Variants in MEX3C observed in about 807,000 individuals in gnomAD.
MEX3C encodes RNA-binding E3 ubiquitin-protein ligase MEX3C.
A neutral mutation model predicts 35.5 loss-of-function variants in MEX3C; 15 were observed. The ratio of observed to expected loss-of-function variants is 0.42; its 90% confidence interval spans 0.28 to 0.65. The LOEUF is 0.65. Ranked by LOEUF, MEX3C falls within the 30% of genes least tolerant of loss-of-function variation. The pLI is 0.20. For synonymous variants in MEX3C, 390 were observed against 352.8 expected, an observed-to-expected ratio of 1.11 and a Z score of -1.18; for missense variants, 711 against 842.8, an observed-to-expected ratio of 0.84 and a Z score of 1.94.
chr18:51,185,743 A>G (rs1431460730), intron 1 of MEX3C, among the ~76,000 whole-genome samples: 3 of 152,194 alleles, frequency 2.0e-5, no homozygotes, highest in East Asian at 3.9e-4. Flanking sequence ...CGGGCATTGG[A>G]ATAGGTGAAG....
At chr18:51,178,343 A>G (rs1035920795) in intron 1 of MEX3C, among the ~76,000 whole-genome samples, 1 of 151,966 alleles carries the variant, frequency 6.6e-6, no homozygotes, top group Non-Finnish European at 1.5e-5. Flanking sequence ...ACACATATGT[A>G]TAACTTTACG....
In MEX3C at chr18:51,177,908, T is replaced by C. The variant is rs1195636280; in HGVS notation, c.755-332A>G. On this transcript the variant is annotated intron_variant, in intron 1 of 1. Coordinates refer to ENST00000406189, the MANE Select transcript of MEX3C (RefSeq NM_016626.5). The surrounding 1 kb of genome is among the most constrained non-coding windows in gnomAD (Gnocchi z 4.2). ...ACAAAAACACCGTGCTCATGGCTAG[T>C]AGGTCATCTCACTTCTGCTCCCACC... 6.6e-6 allele frequency among the ~76,000 whole-genome samples: 1 copy of C among 152,228 alleles called. No individual in the cohort carries two copies. Among genetic ancestry groups the C allele is most frequent in the Non-Finnish European group, 1.5e-5 (1 of 68,040 alleles).
chr18:51,197,630 A>T lies in MEX3C; in HGVS notation c.-310T>A, dbSNP rs1215510800. On this transcript the variant is annotated 5_prime_UTR_variant, in exon 1 of 2. Coordinates refer to ENST00000406189, the MANE Select transcript of MEX3C (RefSeq NM_016626.5). ...TTTCTTTTGTTTCATGGCCTTAACC[A>T]GCCCCCGGCGCGCGCGGCGGCGGCG... Among the ~76,000 whole-genome samples, 3 of 150,580 alleles carry T rather than the reference A, an allele frequency of 2.0e-5. No homozygotes were observed. The highest frequency in any genetic ancestry group is 2.0e-4 in the Admixed American group (3 of 15,198).
At chr18:51,181,695 A>AG (rs1245373736) in intron 1 of MEX3C, among the ~76,000 whole-genome samples, 3 of 152,260 alleles carry the variant, frequency 2.0e-5, no homozygotes, top group African/African-American at 7.2e-5. Flanking sequence ...TGTTTGAATT[A>AG]GCATGAGGCT....
At chr18:51,189,809 C>A (rs1912616276) in intron 1 of MEX3C, among the ~76,000 whole-genome samples, 1 of 152,058 alleles carries the variant, frequency 6.6e-6, no homozygotes. Flanking sequence ...TCCAGACTTG[C>A]TTAGTTCTTT....
intron 1 of MEX3C, among the ~76,000 whole-genome samples, chr18:51,192,376 C>T (rs986522796): frequency 2.0e-4 from 31 of 152,140 alleles, no homozygotes; most frequent in Admixed American, 1.2e-3. Context: ...CCATTATTAA[C>T]GAAATTTAAA....
intron 1 of MEX3C, among the ~76,000 whole-genome samples, chr18:51,178,784 CG>C (rs1304331057): frequency 6.7e-6 from 1 of 149,902 alleles, no homozygotes; most frequent in East Asian, 2.0e-4. Context: ...TGCTCGAACC[CG>C]GGGGACAGAG....
chr18:51,178,359 C>A (rs992052381), intron 1 of MEX3C, among the ~76,000 whole-genome samples: 62 of 151,404 alleles, frequency 4.1e-4, no homozygotes, highest in Non-Finnish European at 8.7e-4. Context: ...TTACGTAATT[C>A]TCCACTTTAA....
At chr18:51,194,514 A>G (rs1402272260) in intron 1 of MEX3C, 1 of 152,246 alleles carries the variant, frequency 6.6e-6, no homozygotes, top group African/African-American at 2.4e-5. Flanking sequence ...TTACTTTTAA[A>G]AAACTGATTT....
At chr18:51,181,368 C>A (rs1912426724) in intron 1 of MEX3C, among the ~76,000 whole-genome samples, 1 of 151,818 alleles carries the variant, frequency 6.6e-6, no homozygotes, top group South Asian at 2.1e-4. Context: ...CAACAAAAAC[C>A]CAATAAAAGG....
intron 1 of MEX3C, among the ~76,000 whole-genome samples, chr18:51,192,278 C>A (rs960238359): frequency 1.3e-5 from 2 of 152,076 alleles, no homozygotes; most frequent in Admixed American, 6.5e-5. Context: ...CTGAATAAGG[C>A]AGGAAGAAAG....
At chr18:51,189,532 TA>T (rs1912609731) in intron 1 of MEX3C, among the ~76,000 whole-genome samples, 1 of 152,148 alleles carries the variant, frequency 6.6e-6, no homozygotes, top group South Asian at 2.1e-4. Context: ...AAACAGAAGT[TA>T]AATTAAATCT....
chr18:51,192,683 G>A (rs1352373620), intron 1 of MEX3C, among the ~76,000 whole-genome samples: 2 of 152,122 alleles, frequency 1.3e-5, no homozygotes, highest in African/African-American at 4.8e-5. Context: ...TACTGAAGTG[G>A]CAATGTAGAG....
rs572249335 is a variant in MEX3C at position 51,188,962 on chromosome 18, G to T, written c.754+7605C>A. ...TATCCTTGCTGATTTTTGTCTACTT[G>T]TTCTACCACTTACTGAGATAGGCAC... On this transcript the variant is annotated intron_variant, in intron 1 of 1. Coordinates refer to ENST00000406189, the MANE Select transcript of MEX3C (RefSeq NM_016626.5). Among the ~76,000 whole-genome samples, 10 of 152,226 alleles carry T rather than the reference G, an allele frequency of 6.6e-5. No individual in the cohort carries two copies. In the East Asian group the frequency reaches 1.7e-3, roughly 26 times the overall value.
rs144451154 is a variant in MEX3C at position 51,176,932 on chromosome 18, A to G, written c.1399T>C (p.Phe467Leu). 24 of 1,613,880 alleles carry G rather than the reference A, an allele frequency of 1.5e-5. No homozygotes were observed. In the African/African-American group the frequency reaches 3.2e-4, roughly 22 times the overall value. Residue 467 changes from phenylalanine to leucine, a missense_variant, in exon 2 of 2, where the codon TTT becomes CTT. Phe to Leu is a conservative substitution (Grantham distance 22). Transcript: ENST00000406189. ...SYFGSNRLAD[F>L]SPTSPFSTGN... The stretch of plus-strand genomic sequence containing the variant: ...GTGCTAAATGGGCTTGTTGGACTAA[A>G]GTCAGCCAGCCTATTGCTTCCAAAG...
chr18:51,191,645 TCC>T (rs1282568038), intron 1 of MEX3C, among the ~76,000 whole-genome samples: 3 of 152,296 alleles, frequency 2.0e-5, no homozygotes, highest in African/African-American at 7.2e-5. Context: ...AAACGGTGGT[TCC>T]AAATTAATTT....
intron 1 of MEX3C, among the ~76,000 whole-genome samples, chr18:51,182,258 C>T (rs568662532): frequency 6.6e-6 from 1 of 152,228 alleles, no homozygotes; most frequent in African/African-American, 2.4e-5. Flanking sequence ...TTTCAAGCAT[C>T]CACTTAAGGT....
intron 1 of MEX3C, among the ~76,000 whole-genome samples, chr18:51,178,743 C>T (rs1299196341): frequency 1.3e-5 from 2 of 151,602 alleles, no homozygotes; most frequent in Non-Finnish European, 2.9e-5. Context: ...GCCTGTAATC[C>T]CAGCTCCTTG....
At position 51,182,478 on chromosome 18, in the gene MEX3C, G is replaced by T. The variant is rs77315986; in HGVS notation, c.755-4902C>A. ...CTAGACTAGACTGTTTAGAGGTCAA[G>T]AACTAATTTTATCTTGATTTGGAAG... is the stretch of plus-strand genomic sequence containing the variant. On this transcript the variant is annotated intron_variant, in intron 1 of 1. Transcript: ENST00000406189. Among the ~76,000 whole-genome samples the T allele has an allele frequency of 5.3e-3, 814 of 152,308 alleles. 40 individuals are homozygous for T. In the East Asian group the frequency reaches 0.12, roughly 22 times the overall value.
Sources: gnomAD v4.1 joint callset for allele counts (sites outside exome capture counted in the v4.1 genomes callset) on GRCh38, gnomAD v4.1.1 for gene constraint, Gnocchi (gnomAD v3.1) non-coding constraint, MANE v1.5 for transcripts, NCBI Gene and HGNC (gene_info 2026-07-23, HGNC 2026-07-21) for gene names.